Variants in NRXN3 observed in about 807,000 individuals in gnomAD.
NRXN3 encodes the protein neurexin III.
Under a neutral mutation model 137.6 loss-of-function variants are expected in NRXN3, and 32 were observed. That is an observed-to-expected ratio of 0.23 (90% CI 0.18 to 0.31). The LOEUF (loss-of-function observed/expected upper bound fraction) is 0.31, where lower values mean the gene tolerates loss of function less well. Ranked by LOEUF, NRXN3 falls within the 10% of genes least tolerant of loss-of-function variation. NRXN3 has a pLI of 1.00. For missense variants in NRXN3, 1,574 were observed against 2,062.5 expected, an observed-to-expected ratio of 0.76 and a Z score of 4.59; for synonymous variants, 798 against 784.5, an observed-to-expected ratio of 1.02 and a Z score of -0.29.
At chr14:78,856,878 C>T (rs1181855964) in intron 10 of NRXN3, among the ~76,000 whole-genome samples, 3 of 151,978 alleles carry the variant, frequency 2.0e-5, no homozygotes, top group Non-Finnish European at 4.4e-5. Flanking sequence ...GGATTACAGG[C>T]GTGTGTCACA....
At chr14:79,305,483 A>C (rs1258360621) in intron 15 of NRXN3, among the ~76,000 whole-genome samples, 2 of 152,028 alleles carry the variant, frequency 1.3e-5, no homozygotes, top group African/African-American at 2.4e-5. Context: ...GTACCCTGAC[A>C]TTTTACAGAT....
At chr14:79,186,649 A>G (rs1202894912) in intron 15 of NRXN3, among the ~76,000 whole-genome samples, 2 of 152,182 alleles carry the variant, frequency 1.3e-5, no homozygotes, top group East Asian at 3.9e-4. Flanking sequence ...GGTGGTAGTT[A>G]CATTTTGTGA....
In NRXN3 at chr14:79,271,637, C is replaced by T. The variant is rs1053630498; in HGVS notation, c.3263-195584C>T. Reference sequence around the variant, plus strand: ...TTGCCTTTCTGTATCCCATGGAATACCTCTCTTTTGCATTGGAAGAAAAAC... The same window carrying T: ...TTGCCTTTCTGTATCCCATGGAATATCTCTCTTTTGCATTGGAAGAAAAAC... On this transcript the variant is annotated intron_variant, in intron 15 of 20. Coordinates refer to ENST00000335750, the MANE Select transcript of NRXN3 (RefSeq NM_001330195.2). 3.3e-5 allele frequency among the ~76,000 whole-genome samples: 5 copies of T among 151,444 alleles called. No homozygotes were observed. In the Admixed American group the frequency reaches 3.3e-4, roughly 10 times the overall value.
intron 15 of NRXN3, among the ~76,000 whole-genome samples, chr14:79,321,958 C>T (rs1274272581): frequency 6.6e-6 from 1 of 150,894 alleles, no homozygotes; most frequent in Non-Finnish European, 1.5e-5. Flanking sequence ...CATGAAAGGC[C>T]AGTTATAGTG....
At chr14:78,714,716 C>A (rs372961209) in intron 7 of NRXN3, 40 bp from the exon 8 acceptor site, 45 of 1,596,132 alleles carry the variant, frequency 2.8e-5, no homozygotes, top group Non-Finnish European at 3.8e-5. Context: ...TTTGGTTAAG[C>A]AACTGGCAGA....
At chr14:78,429,389 A>G (rs983678130) in intron 4 of NRXN3, among the ~76,000 whole-genome samples, 2 of 152,156 alleles carry the variant, frequency 1.3e-5, no homozygotes, top group African/African-American at 4.8e-5. Flanking sequence ...AGTAATTACT[A>G]TTAAATATGC....
At chr14:78,908,892 A>G (rs1039840158) in intron 10 of NRXN3, among the ~76,000 whole-genome samples, 1 of 152,276 alleles carries the variant, frequency 6.6e-6, no homozygotes, top group African/African-American at 2.4e-5. Context: ...TTAAGGAGGA[A>G]CAAGAAGATC....
At chr14:79,705,312 G>A (rs922763195) in intron 19 of NRXN3, among the ~76,000 whole-genome samples, 11 of 152,046 alleles carry the variant, frequency 7.2e-5, no homozygotes, top group Admixed American at 7.2e-4. Context: ...CGTGGCATAT[G>A]GTTCTCCTCC....
chr14:79,523,754 GT>G (rs2097092853), intron 16 of NRXN3, among the ~76,000 whole-genome samples: 1 of 152,198 alleles, frequency 6.6e-6, no homozygotes, highest in African/African-American at 2.4e-5. Context: ...GACTAAGGTG[GT>G]TGTATAAGTA....
At chr14:79,817,764 G>A (rs551336589) in intron 20 of NRXN3, among the ~76,000 whole-genome samples, 15 of 152,150 alleles carry the variant, frequency 9.9e-5, no homozygotes, top group African/African-American at 3.4e-4. Flanking sequence ...AATAGCTGCC[G>A]GCCTCCTTGA....
chr14:79,838,420 G>A (rs1389757635), intron 20 of NRXN3, among the ~76,000 whole-genome samples: 3 of 152,170 alleles, frequency 2.0e-5, no homozygotes, highest in Non-Finnish European at 4.4e-5. Context: ...TAAATTAAAT[G>A]TGGCAGTATT....
At chr14:78,206,590 A>G (rs1401245372) in intron 1 of NRXN3, among the ~76,000 whole-genome samples, 1 of 152,182 alleles carries the variant, frequency 6.6e-6, no homozygotes, top group Non-Finnish European at 1.5e-5. Flanking sequence ...GATTGCTCCC[A>G]TTGCTTAACT....
Position 78,684,019 on chromosome 14 carries a change from T to C in NRXN3, c.1222-25198T>C, listed in dbSNP as rs188200960. On this transcript the variant is annotated intron_variant, in intron 6 of 20. Coordinates refer to ENST00000335750, the MANE Select transcript of NRXN3 (RefSeq NM_001330195.2). ...TCTAAAGGAAGGATAATGTCATCTA[T>C]TGAATAAAGATTCTCACTTTTCTAC... 3.3e-5 allele frequency among the ~76,000 whole-genome samples: 5 copies of C among 152,352 alleles called. No individual in the cohort carries two copies. The East Asian group carries it at 9.6e-4, about 29-fold the overall frequency.
At chr14:79,508,509 C>A (rs2096901624) in intron 16 of NRXN3, among the ~76,000 whole-genome samples, 1 of 149,824 alleles carries the variant, frequency 6.7e-6, no homozygotes, top group Admixed American at 6.7e-5. Flanking sequence ...CCTGCCTCAG[C>A]CTCCCAAGTA....
chr14:78,832,807 G>C (rs928701060), intron 10 of NRXN3, among the ~76,000 whole-genome samples: 9 of 152,206 alleles, frequency 5.9e-5, no homozygotes, highest in East Asian at 1.9e-4. Flanking sequence ...CAGTGATTTT[G>C]GTTCCTTAGA....
chr14:78,545,419 C>A (rs2096628449), intron 4 of NRXN3, among the ~76,000 whole-genome samples: 1 of 152,142 alleles, frequency 6.6e-6, no homozygotes. Flanking sequence ...TGTCTCCCCT[C>A]TTCTCCTTTT....
At chr14:79,367,701 C>T (rs1019078992) in intron 15 of NRXN3, among the ~76,000 whole-genome samples, 1 of 152,172 alleles carries the variant, frequency 6.6e-6, no homozygotes, top group Non-Finnish European at 1.5e-5. Context: ...AGCTTACACA[C>T]TTCTCATTGT....
chr14:78,637,890 A>T (rs1483101075), intron 4 of NRXN3, among the ~76,000 whole-genome samples: 1 of 152,266 alleles, frequency 6.6e-6, no homozygotes, highest in Non-Finnish European at 1.5e-5. Context: ...TGAACACATT[A>T]CCTGGTGCAT....
intron 15 of NRXN3, among the ~76,000 whole-genome samples, chr14:79,456,425 G>C (rs1318542661): frequency 6.6e-6 from 1 of 152,094 alleles, no homozygotes; most frequent in African/African-American, 2.4e-5. Context: ...GCTATTAAAA[G>C]TTGTGTATAA....
Sources: allele counts gnomAD v4.1 joint callset (sites outside exome capture counted in the v4.1 genomes callset), GRCh38; gene constraint gnomAD v4.1.1; transcripts MANE v1.5; gene names NCBI Gene and HGNC (gene_info 2026-07-23, HGNC 2026-07-21).